TRERF1: variants seen among roughly 807,000 people sequenced by gnomAD.
TRERF1 encodes transcriptional regulating factor 1, also known as transcriptional-regulating factor 1.
A neutral mutation model predicts 122.9 loss-of-function variants in TRERF1; 27 were observed. The observed-to-expected ratio is 0.22, with a 90% CI of 0.16 to 0.30. The LOEUF is 0.30. TRERF1 is among the 10% of genes least tolerant of loss of function. The probability of loss-of-function intolerance (pLI) is 1.00; values close to 1 mark genes in which losing one functional copy is unlikely to be tolerated. For synonymous variants in TRERF1, 636 were observed against 641.7 expected, an observed-to-expected ratio of 0.99 and a Z score of 0.13; for missense variants, 1,248 against 1,560.3, an observed-to-expected ratio of 0.80 and a Z score of 3.37.
Position 42,228,247 on chromosome 6 carries a change from G to C in TRERF1, c.*98C>G, listed in dbSNP as rs1769810157. The stretch of plus-strand genomic sequence containing the variant: ...AAAATGACCACTTTTAAAACAGGTA[G>C]TTTAAAAGGGTTACAAAACAAGCAG... On this transcript the variant is annotated 3_prime_UTR_variant, in exon 18 of 18. Transcript: ENST00000372922. This position sits in a 1 kb window ranked among gnomAD's most constrained non-coding sequence, Gnocchi z 4.2. 2 of 1,078,924 alleles carry C rather than the reference G, an allele frequency of 1.9e-6. No individual in the cohort carries two copies. Among genetic ancestry groups the C allele is most frequent in the Admixed American group, 5.5e-5 (2 of 36,168 alleles). 66.8% of individuals were successfully genotyped at this position (1,078,924 alleles called of 1,614,324 possible).
At chr6:42,367,696 A>C (rs1180494995) in intron 2 of TRERF1, among the ~76,000 whole-genome samples, 1 of 151,602 alleles carries the variant, frequency 6.6e-6, no homozygotes, top group African/African-American at 2.4e-5. Flanking sequence ...GGCTCTGCTC[A>C]CCCCCTCCTG....
chr6:42,243,396 A>G, intron 14 of TRERF1, 35 bp from the exon 15 acceptor site: 1 of 1,454,280 alleles, frequency 6.9e-7, no homozygotes, highest in South Asian at 1.1e-5. Context: ...TAGCTCCAGC[A>G]ATGGGCAGAG....
At chr6:42,314,780 G>A (rs1762217157) in intron 3 of TRERF1, among the ~76,000 whole-genome samples, 1 of 152,170 alleles carries the variant, frequency 6.6e-6, no homozygotes, top group Non-Finnish European at 1.5e-5. Context: ...GAGCCCTGTG[G>A]TGGGTACATG....
intron 3 of TRERF1, among the ~76,000 whole-genome samples, chr6:42,351,446 T>C (rs973422076): frequency 2.0e-5 from 3 of 152,246 alleles, no homozygotes; most frequent in Non-Finnish European, 4.4e-5. Flanking sequence ...ACTCATGTTT[T>C]TGAAAAAGAT....
intron 2 of TRERF1, among the ~76,000 whole-genome samples, chr6:42,367,705 T>G (rs1260117496): frequency 1.3e-5 from 2 of 152,146 alleles, no homozygotes; most frequent in Non-Finnish European, 2.9e-5. Flanking sequence ...CACCCCCTCC[T>G]GCTCTCTCTC....
intron 2 of TRERF1, among the ~76,000 whole-genome samples, chr6:42,399,726 G>A (rs1779125586): frequency 6.6e-6 from 1 of 152,188 alleles, no homozygotes; most frequent in Non-Finnish European, 1.5e-5. Context: ...AGAGGGAGTA[G>A]GGAGGAGAGA....
chr6:42,392,961 AGTT>A (rs1294219559), intron 2 of TRERF1, among the ~76,000 whole-genome samples: 6 of 99,742 alleles, frequency 6.0e-5, no homozygotes, highest in African/African-American at 3.6e-4. Flanking sequence ...CACACACAGC[AGTT>A]GTCAATTTCC....
chr6:42,405,178 T>C (rs900953646), intron 2 of TRERF1, among the ~76,000 whole-genome samples: 3 of 152,116 alleles, frequency 2.0e-5, no homozygotes, highest in Non-Finnish European at 4.4e-5. Flanking sequence ...ACTCAAAGTC[T>C]TACAATTGGG....
chr6:42,392,931 TACACACACACAC>T (rs58784390), intron 2 of TRERF1, among the ~76,000 whole-genome samples: 1 of 148,002 alleles, frequency 6.8e-6, no homozygotes, highest in Non-Finnish European at 1.5e-5. Context: ...TACACACACA[TACACACACACAC>T]ACACACACAC....
At chr6:42,382,936 G>C (rs1776197904) in intron 2 of TRERF1, among the ~76,000 whole-genome samples, 1 of 152,080 alleles carries the variant, frequency 6.6e-6, no homozygotes, top group African/African-American at 2.4e-5. Context: ...TTGGGGGGTG[G>C]GGTGGGTGTG....
At chr6:42,350,556 A>G (rs1017318347) in intron 3 of TRERF1, among the ~76,000 whole-genome samples, 2 of 152,170 alleles carry the variant, frequency 1.3e-5, no homozygotes, top group East Asian at 3.9e-4. Flanking sequence ...CACTATCTCC[A>G]TGGATAACTT....
At chr6:42,395,671 T>C (rs1778460883) in intron 2 of TRERF1, among the ~76,000 whole-genome samples, 1 of 152,084 alleles carries the variant, frequency 6.6e-6, no homozygotes, top group Non-Finnish European at 1.5e-5. Context: ...GCCTACAAGC[T>C]AGCTGGATTT....
intron 2 of TRERF1, among the ~76,000 whole-genome samples, chr6:42,402,293 G>A (rs1487494299): frequency 1.3e-5 from 2 of 152,212 alleles, no homozygotes; most frequent in Non-Finnish European, 2.9e-5. Context: ...CAACTGGCAT[G>A]CATCTGCCGG....
Position 42,258,047 on chromosome 6 carries a change from C to T in TRERF1, c.2336+88G>A, listed in dbSNP as rs187640259. On this transcript the variant is annotated intron_variant, in intron 10 of 17. Coordinates refer to ENST00000372922, the Ensembl canonical transcript of TRERF1. ...CCTACAATTTCTACAACTGCTCTCT[C>T]AGTGTAATCCTCTGACTACAAAAGT... The T allele has an allele frequency of 3.9e-3, 4,315 of 1,110,864 alleles. 16 individuals carry two copies. The highest frequency in any genetic ancestry group is 4.2e-3 in the Non-Finnish European group (3,139 of 756,362). 68.8% of individuals were successfully genotyped at this position (1,110,864 alleles called of 1,614,324 possible). A position where few individuals can be genotyped will look rare whatever the true frequency, so the allele number is the denominator to read the frequency against.
intron 17 of TRERF1, among the ~76,000 whole-genome samples, chr6:42,230,844 G>A (rs1030731314): frequency 2.0e-5 from 3 of 152,124 alleles, no homozygotes; most frequent in South Asian, 2.1e-4. Context: ...TTAATCAGAC[G>A]CAGCATGGCA....
intron 4 of TRERF1, among the ~76,000 whole-genome samples, chr6:42,298,934 C>T (rs145525958): frequency 1.4e-4 from 22 of 151,832 alleles, no homozygotes; most frequent in Non-Finnish European, 2.5e-4. Context: ...AGAGAGATTC[C>T]GTCTCAAAAA....
rs1466474946 is a variant in TRERF1 at position 42,243,404 on chromosome 6, G to A, written c.2746-43C>T. On this transcript the variant is annotated intron_variant, in intron 14 of 17. Coordinates refer to ENST00000372922, the Ensembl canonical transcript of TRERF1. ...TCAAGGTTAGCTCCAGCAATGGGCA[G>A]AGAGCAAAGGTAGCAAGCATTTTTG... 59 of 1,340,366 alleles carry A rather than the reference G, an allele frequency of 4.4e-5. No individual in the cohort carries two copies. The East Asian group carries it at 1.3e-3, about 30-fold the overall frequency. 83.0% of individuals were successfully genotyped at this position (1,340,366 alleles called of 1,614,324 possible). A position where few individuals can be genotyped will look rare whatever the true frequency, so the allele number is the denominator to read the frequency against.
At chr6:42,410,010 T>C (rs1780878403) in intron 2 of TRERF1, among the ~76,000 whole-genome samples, 1 of 152,222 alleles carries the variant, frequency 6.6e-6, no homozygotes, top group Non-Finnish European at 1.5e-5. Flanking sequence ...ATCAAACATT[T>C]GTTGACTGAT....
intron 2 of TRERF1, among the ~76,000 whole-genome samples, chr6:42,392,933 C>CAT (rs1469801543): frequency 5.5e-5 from 8 of 146,544 alleles, no homozygotes; most frequent in Non-Finnish European, 1.2e-4. Context: ...CACACACATA[C>CAT]ACACACACAC....
Sources: allele counts gnomAD v4.1 joint callset (sites outside exome capture counted in the v4.1 genomes callset), GRCh38; gene constraint gnomAD v4.1.1; non-coding constraint Gnocchi (gnomAD v3.1); transcripts MANE v1.5; gene names NCBI Gene and HGNC (gene_info 2026-07-23, HGNC 2026-07-21).